The following SECISBP2L variants were observed in gnomAD, a reference collection of about 807,000 sequenced individuals.
SECISBP2L encodes SECIS binding protein 2 like.
In SECISBP2L, 43 loss-of-function variants were observed where a neutral mutation model predicts 114.7. The ratio of observed to expected loss-of-function variants is 0.38; its 90% CI spans 0.29 to 0.48. The LOEUF (loss-of-function observed/expected upper bound fraction) is 0.48. Ranked by LOEUF, SECISBP2L falls within the 20% of genes least tolerant of loss-of-function variation. The probability of loss-of-function intolerance (pLI) is 0.98; values close to 1 mark genes in which losing one functional copy is unlikely to be tolerated. For synonymous variants in SECISBP2L, 451 were observed against 439.7 expected, an observed-to-expected ratio of 1.03 and a Z score of -0.32; for missense variants, 1,136 against 1,301.1, an observed-to-expected ratio of 0.87 and a Z score of 1.95.
chr15:49,032,525 T>G (rs1902912180), intron 4 of SECISBP2L, among the ~76,000 whole-genome samples: 1 of 152,368 alleles, frequency 6.6e-6, no homozygotes, highest in Admixed American at 6.5e-5. Flanking sequence ...TACATAGGTT[T>G]GGTTCAGATC....
At chr15:49,016,161 C>T (rs1902531718) in intron 11 of SECISBP2L, among the ~76,000 whole-genome samples, 1 of 152,160 alleles carries the variant, frequency 6.6e-6, no homozygotes, top group Non-Finnish European at 1.5e-5. Context: ...TATAATCCAG[C>T]TTACATTTTA....
chr15:49,017,699 TA>T (rs1902564628), intron 8 of SECISBP2L, 71 bp from the exon 9 acceptor site: 1 of 1,021,960 alleles, frequency 9.8e-7, no homozygotes, highest in African/African-American at 1.6e-5. Flanking sequence ...TGCTTAGAAG[TA>T]TTGAAAAATG....
In SECISBP2L at chr15:48,996,464, G is replaced by T. The variant is rs1259814983; in HGVS notation, c.2526C>A (p.His842Gln). ...EALKNVKKVPHHMGHSRNPSA... is the reference protein window; with the variant it reads ...EALKNVKKVPQHMGHSRNPSA... Reference sequence around the variant, plus strand: ...AGGGATTCCGAGAATGTCCCATGTGGTGTGGTACCTTCTTCACATTCTTTA... The same window carrying T: ...AGGGATTCCGAGAATGTCCCATGTGTTGTGGTACCTTCTTCACATTCTTTA... The change falls in exon 17 of 18, where the codon CAC becomes CAA. Residue 842 changes from histidine to glutamine, a missense_variant. Transcript: ENST00000559471. 6.2e-7 allele frequency: 1 copy of T among 1,613,962 alleles called. No individual in the cohort carries two copies. Among genetic ancestry groups the T allele is most frequent in the African/African-American group, 1.3e-5 (1 of 74,914 alleles).
At chr15:49,027,610 A>ATT (rs1038828132) in intron 6 of SECISBP2L, 130 bp from the exon 7 acceptor site, 32 of 358,376 alleles carry the variant, frequency 8.9e-5, no homozygotes, top group East Asian at 3.2e-4. Flanking sequence ...AAACCTTATT[A>ATT]TTTTTTTTTT....
chr15:49,005,466 G>A (rs1454265987), intron 14 of SECISBP2L, among the ~76,000 whole-genome samples: 1 of 150,068 alleles, frequency 6.7e-6, no homozygotes, highest in Non-Finnish European at 1.5e-5. Context: ...TTGATGCATT[G>A]ATCCCTTTAC....
chr15:49,017,809 T>C (rs548230351), intron 8 of SECISBP2L, 181 bp from the exon 9 acceptor site: 21 of 479,700 alleles, frequency 4.4e-5, no homozygotes, highest in African/African-American at 3.5e-4. Context: ...AATTTAATTA[T>C]TCAAGGATGG....
chr15:49,037,490 A>T, intron 2 of SECISBP2L, 101 bp downstream of exon 2: 2 of 1,009,374 alleles, frequency 2.0e-6, no homozygotes, highest in Non-Finnish European at 2.9e-6. Context: ...TTAATAGAGA[A>T]ATGGTTAAAG....
At chr15:49,003,225 G>A (rs1193363898) in intron 14 of SECISBP2L, among the ~76,000 whole-genome samples, 1 of 152,120 alleles carries the variant, frequency 6.6e-6, no homozygotes, top group Non-Finnish European at 1.5e-5. Context: ...GTGAATGGGA[G>A]TTCACTCATT....
chr15:49,028,652 A>T lies in SECISBP2L; in HGVS notation c.695T>A (p.Leu232His). 1.2e-6 allele frequency: 2 copies of T among 1,614,180 alleles called. No homozygotes were observed. Among genetic ancestry groups the T allele is most frequent in the Non-Finnish European group, 1.7e-6 (2 of 1,180,012 alleles). ...GAGCATTGTTGCAGTGGTCTCTGAG[A>T]GAGACTTGTTAGCGATATCTGATGG... is the stretch of plus-strand genomic sequence containing the variant. ...DFPSDIANKSLSETTATMLWK... is the reference protein window; with the variant it reads ...DFPSDIANKSHSETTATMLWK... Residue 232 changes from leucine to histidine, a missense_variant, in exon 5 of 18, where the codon CTC becomes CAC. By Grantham distance (99) the Leu-to-His change is moderately conservative (BLOSUM62 -3). This residue lies in a region of SECISBP2L where 452 missense variants were observed against 452.3 expected (regional missense o/e 1.00). Transcript: ENST00000559471.
intron 7 of SECISBP2L, 32 bp downstream of exon 7, chr15:49,027,333 T>C: frequency 6.7e-7 from 1 of 1,485,998 alleles, no homozygotes; most frequent in East Asian, 2.3e-5. Context: ...ATCTCATACC[T>C]AATCAATTTT....
chr15:49,031,342 C>G (rs1360510263), intron 4 of SECISBP2L, among the ~76,000 whole-genome samples: 3 of 152,170 alleles, frequency 2.0e-5, no homozygotes, highest in Non-Finnish European at 4.4e-5. Flanking sequence ...AGCCACGGCG[C>G]TCAGCCTATT....
intron 14 of SECISBP2L, among the ~76,000 whole-genome samples, chr15:49,001,302 A>C (rs1243909637): frequency 6.6e-6 from 1 of 152,206 alleles, no homozygotes; most frequent in Non-Finnish European, 1.5e-5. Context: ...TTGTTTCTGC[A>C]TTTCAAATAG....
chr15:49,011,670 C>T (rs535535914), intron 13 of SECISBP2L, 61 bp downstream of exon 13: 51 of 1,576,826 alleles, frequency 3.2e-5, no homozygotes, highest in Middle Eastern at 1.7e-4. Context: ...TGATAGCTTA[C>T]GTATCTATTA....
In SECISBP2L at chr15:49,046,437, C is replaced by A. The variant is rs947365092; in HGVS notation, c.-138G>T. On this transcript the variant is annotated 5_prime_UTR_variant, in exon 1 of 18. Coordinates refer to ENST00000559471, the MANE Select transcript of SECISBP2L (RefSeq NM_001193489.2). ...CTGGCTGGCCGCGACACCGATTCGG[C>A]TACGCCACTGGCCGAGGAGGCGGCT... 3.1e-5 allele frequency: 30 copies of A among 954,640 alleles called. No homozygotes were observed. The highest frequency in any genetic ancestry group is 2.4e-4 in the Admixed American group (6 of 25,362). 59.1% of individuals were successfully genotyped at this position (954,640 alleles called of 1,614,324 possible).
At chr15:49,013,940 A>C (rs1182880049) in intron 11 of SECISBP2L, among the ~76,000 whole-genome samples, 2 of 152,204 alleles carry the variant, frequency 1.3e-5, no homozygotes, top group Non-Finnish European at 2.9e-5. Flanking sequence ...CTATCTAAAA[A>C]AAAGAAAGGG....
rs1050509072 is a variant in SECISBP2L, at chr15:49,035,371, C to T, written c.491G>A (p.Arg164Gln). 12 of 1,614,048 alleles carry T rather than the reference C, an allele frequency of 7.4e-6. No individual in the cohort carries two copies. Among genetic ancestry groups the T allele is most frequent in the East Asian group, 2.2e-5 (1 of 44,896 alleles). The stretch of plus-strand genomic sequence containing the variant: ...TGATCCTCTGTTACTGTTTCTGCTT[C>T]GATGGCTGGACAATGGGAAGACCTG... ...LGQVFPLSSH[R>Q]SRNSNRGSVV... The change falls in exon 3 of 18, where the codon CGA (arginine) becomes CAA (glutamine). Residue 164 changes from arginine (R) to glutamine (Q), a missense_variant. Arg to Gln is a conservative substitution (Grantham distance 43). This residue lies in a region of SECISBP2L where 452 missense variants were observed against 452.3 expected (regional missense o/e 1.00). Coordinates refer to ENST00000559471, the MANE Select transcript of SECISBP2L (RefSeq NM_001193489.2).
intron 2 of SECISBP2L, 34 bp from the exon 3 acceptor site, chr15:49,035,692 T>C (rs1392281588): frequency 6.4e-7 from 1 of 1,565,460 alleles, no homozygotes; most frequent in South Asian, 1.2e-5. Context: ...ACAAATCTAT[T>C]GACAAGTCTA....
chr15:49,039,812 G>A (rs1262153024), intron 1 of SECISBP2L, among the ~76,000 whole-genome samples: 1 of 152,034 alleles, frequency 6.6e-6, no homozygotes, highest in Non-Finnish European at 1.5e-5. Flanking sequence ...TTATAGGCAT[G>A]AGCCTGGCCA....
intron 14 of SECISBP2L, among the ~76,000 whole-genome samples, chr15:49,003,863 G>A (rs375536846): frequency 5.3e-5 from 8 of 152,160 alleles, no homozygotes; most frequent in African/African-American, 1.7e-4. Flanking sequence ...GAGGATTTCC[G>A]CATCGATGTT....
Sources: allele counts gnomAD v4.1 joint callset (sites outside exome capture counted in the v4.1 genomes callset), GRCh38; gene constraint gnomAD v4.1.1; regional missense constraint gnomAD v4.1.1; transcripts MANE v1.5; gene names NCBI Gene and HGNC (gene_info 2026-07-23, HGNC 2026-07-21).